ZNF18: variants seen among roughly 807,000 people sequenced by gnomAD.
ZNF18 encodes the protein heart development-specific gene 1 protein.
ZNF18 carries 42 observed loss-of-function variants against 58.1 expected under a neutral mutation model. That is an observed-to-expected ratio of 0.72 (90% CI 0.56 to 0.93). The LOEUF is 0.93. Ranked by LOEUF, ZNF18 falls within the 40% of genes least tolerant of loss-of-function variation. ZNF18 has a pLI of 0.00. For missense variants in ZNF18, 540 were observed against 644.2 expected, an observed-to-expected ratio of 0.84 and a Z score of 1.75; for synonymous variants, 231 against 239.8, an observed-to-expected ratio of 0.96 and a Z score of 0.34.
intron 4 of ZNF18, among the ~76,000 whole-genome samples, chr17:11,989,032 G>A (rs1392254317): frequency 3.3e-5 from 5 of 151,996 alleles, no homozygotes; most frequent in African/African-American, 4.8e-5. Context: ...GGTGGCACAC[G>A]CCTGTAATCC....
At chr17:11,979,122 TG>T (rs1245541525) in intron 6 of ZNF18, among the ~76,000 whole-genome samples, 2 of 141,676 alleles carry the variant, frequency 1.4e-5, no homozygotes, top group Non-Finnish European at 3.2e-5. Context: ...AAGATAAATA[TG>T]GTAACTAAAA....
At chr17:11,986,810 T>C (rs1967772813) in intron 4 of ZNF18, among the ~76,000 whole-genome samples, 1 of 152,196 alleles carries the variant, frequency 6.6e-6, no homozygotes, top group African/African-American at 2.4e-5. Flanking sequence ...ACACAGGATC[T>C]ATTCCATGAA....
chr17:11,986,670 G>A (rs1225777872), intron 4 of ZNF18, among the ~76,000 whole-genome samples: 2 of 152,164 alleles, frequency 1.3e-5, no homozygotes, highest in African/African-American at 4.8e-5. Context: ...AATCACTTGA[G>A]CAAACATTGC....
At position 11,984,200 on chromosome 17, in the gene ZNF18, GGAA is replaced by G; in HGVS notation, c.667-6_667-4del. On this transcript the variant is annotated splice_region_variant and splice_polypyrimidine_tract_variant and intron_variant, in intron 4 of 6. Coordinates refer to ENST00000580306, the MANE Select transcript of ZNF18 (RefSeq NM_001303281.2). ...GAATCCAGTTGTCTCCACTGTTCCT[GGAA>G]AAAAAAAAAAAAAAGCAATACAATA... 6.6e-7 allele frequency: 1 copy of G among 1,516,872 alleles called. No individual in the cohort carries two copies. The highest frequency in any genetic ancestry group is 1.5e-5 in the African/African-American group (1 of 68,894). 94.0% of individuals were successfully genotyped at this position (1,516,872 alleles called of 1,614,324 possible).
In ZNF18 at chr17:11,979,658, C is replaced by A. The variant is rs555337637; in HGVS notation, c.863-914G>T. Among the ~76,000 whole-genome samples the A allele has an allele frequency of 3.5e-4, 54 of 152,202 alleles. No homozygotes were observed. The South Asian group carries it at 8.7e-3, about 25-fold the overall frequency. On this transcript the variant is annotated intron_variant, in intron 6 of 6. Coordinates refer to ENST00000580306, the MANE Select transcript of ZNF18 (RefSeq NM_001303281.2). ...TTTTAACTATATAGATCTAAAGATGCCATTTACCTTTCTCTTTCACATATT... is the reference window on the plus strand; with the variant it reads ...TTTTAACTATATAGATCTAAAGATGACATTTACCTTTCTCTTTCACATATT...
the ZNF18 span, among the ~76,000 whole-genome samples, chr17:12,016,882 T>C: frequency 6.8e-4 from 104 of 152,256 alleles, no homozygotes; most frequent in African/African-American, 2.4e-3. Context: ...TTTATACATA[T>C]GCATGATTAT....
the ZNF18 span, chr17:12,020,942 G>A: frequency 4.9e-6 from 6 of 1,217,284 alleles, no homozygotes; most frequent in African/African-American, 1.6e-5. Flanking sequence ...AGCGGCAGCG[G>A]CACCCCCGGC....
At chr17:12,016,142 A>T in the ZNF18 span, among the ~76,000 whole-genome samples, 1 of 152,184 alleles carries the variant, frequency 6.6e-6, no homozygotes, top group East Asian at 1.9e-4. Flanking sequence ...ATACAATGAA[A>T]TGCACAAATC....
chr17:11,978,288 A>G lies in ZNF18; in HGVS notation c.1319T>C (p.Ile440Thr), dbSNP rs756069184. 5 of 1,606,142 alleles carry G rather than the reference A, an allele frequency of 3.1e-6. No individual in the cohort carries two copies. The African/African-American group carries it at 6.7e-5, about 22-fold the overall frequency. The change falls in exon 7 of 7, where the codon ATC becomes ACC. Residue 440 changes from isoleucine to threonine, a missense_variant. Physicochemically the swap from Ile to Thr is moderately conservative, Grantham distance 89 (BLOSUM62 -1). Coordinates refer to ENST00000580306, the MANE Select transcript of ZNF18 (RefSeq NM_001303281.2). Reference sequence around the variant, plus strand: ...ACTCCGCAGAAAGGCTTTTTTGCAGATGGTGCACTGAAAGTATGTCTCTCC... The same window carrying G: ...ACTCCGCAGAAAGGCTTTTTTGCAGGTGGTGCACTGAAAGTATGTCTCTCC... ...HTGETYFQCT[I>T]CKKAFLRSSD...
intron 4 of ZNF18, among the ~76,000 whole-genome samples, chr17:11,986,259 A>G (rs1322102176): frequency 6.6e-6 from 1 of 152,244 alleles, no homozygotes; most frequent in Admixed American, 6.5e-5. Context: ...TGTAAGTCCA[A>G]TTAAACCTCT....
rs376826806 is a variant in ZNF18, at chr17:11,992,722, G to A, written c.108C>T (p.Ser36=). Residue 36 remains serine (S), a synonymous_variant, in exon 2 of 7, where the codon AGC becomes AGT. Coordinates refer to ENST00000580306, the MANE Select transcript of ZNF18 (RefSeq NM_001303281.2). ...TGAAAAGCTGGCGTGCGGTCTCAGGGCTGGAGAGTTCCTCTTGAAGGGCAG... is the reference window on the plus strand; with the variant it reads ...TGAAAAGCTGGCGTGCGGTCTCAGGACTGGAGAGTTCCTCTTGAAGGGCAG... ...SDAALQEELS[S]PETARQLFRQ... is the part of the protein sequence containing the mutation. The A allele has an allele frequency of 6.1e-5, 99 of 1,614,256 alleles. No homozygotes were observed. The highest frequency in any genetic ancestry group is 8.2e-5 in the Non-Finnish European group (97 of 1,180,052).
chr17:12,008,958 T>A, the ZNF18 span, among the ~76,000 whole-genome samples: 1 of 152,184 alleles, frequency 6.6e-6, no homozygotes, highest in African/African-American at 2.4e-5. Context: ...GGTCCAAAAT[T>A]CGGAGCATAG....
chr17:12,018,373 G>T, the ZNF18 span, among the ~76,000 whole-genome samples: 1 of 152,214 alleles, frequency 6.6e-6, no homozygotes, highest in African/African-American at 2.4e-5. Context: ...GAGGCTGGAA[G>T]TCCAAGGTGT....
chr17:11,996,559 A>T (rs946543334), intron 1 of ZNF18, among the ~76,000 whole-genome samples: 4 of 152,220 alleles, frequency 2.6e-5, no homozygotes, highest in Non-Finnish European at 5.9e-5. Flanking sequence ...TTAAAAATTT[A>T]ATAGAGTTTA....
upstream of ZNF18, among the ~76,000 whole-genome samples, chr17:11,998,055 TTC>T (rs145467794): frequency 6.6e-5 from 10 of 150,430 alleles, no homozygotes; most frequent in African/African-American, 1.5e-4. Flanking sequence ...TCTCTCTCTC[TTC>T]TCTCTCTCTC....
chr17:11,990,423 A>AAAAAGTTTCCTTTTCATCG, intron 4 of ZNF18, 39 bp downstream of exon 4: 1 of 1,568,488 alleles, frequency 6.4e-7, no homozygotes, highest in Non-Finnish European at 8.7e-7. Flanking sequence ...TATAAAAGGT[A>AAAAAGTTTCCTTTTCATCG]AAAAGTTTCC....
chr17:12,007,272 G>A, the ZNF18 span, among the ~76,000 whole-genome samples: 2 of 152,158 alleles, frequency 1.3e-5, no homozygotes, highest in East Asian at 3.8e-4. Context: ...TTCAGATGCA[G>A]ATTTGGGAAG....
intron 6 of ZNF18, among the ~76,000 whole-genome samples, chr17:11,982,778 T>G (rs115071698): frequency 6.6e-6 from 1 of 151,904 alleles, no homozygotes; most frequent in Admixed American, 6.6e-5. Flanking sequence ...TTTTACAAGA[T>G]AACAAGTTAA....
chr17:11,977,837 A>G lies in ZNF18; in HGVS notation c.*120T>C. The G allele has an allele frequency of 8.1e-7, 1 of 1,241,756 alleles. No homozygotes were observed. Among genetic ancestry groups the G allele is most frequent in the Non-Finnish European group, 1.1e-6 (1 of 894,170 alleles). The allele number at this position is 1,241,756 out of a possible 1,614,324, so 76.9% of individuals were successfully genotyped here. On this transcript the variant is annotated 3_prime_UTR_variant, in exon 7 of 7. Transcript: ENST00000580306. Reference sequence around the variant, plus strand: ...CCATGTCCAGATTCTCTCCTCTCCAATCCAAGAAAAAAGGAGATTAACAGG... The same window carrying G: ...CCATGTCCAGATTCTCTCCTCTCCAGTCCAAGAAAAAAGGAGATTAACAGG...
Sources: gnomAD v4.1 joint callset for allele counts (sites outside exome capture counted in the v4.1 genomes callset) on GRCh38, gnomAD v4.1.1 for gene constraint, MANE v1.5 for transcripts, NCBI Gene and HGNC (gene_info 2026-07-23, HGNC 2026-07-21) for gene names.